FOXK1: variants seen among roughly 807,000 people sequenced by gnomAD.
The protein encoded by FOXK1 is forkhead box K1, also known as forkhead box protein K1.
Under a neutral mutation model 51.9 loss-of-function variants are expected in FOXK1, and 19 were observed. That is an observed-to-expected ratio of 0.37 (90% CI 0.26 to 0.54). The LOEUF (loss-of-function observed/expected upper bound fraction) is 0.54. Among genes scored for constraint, FOXK1 ranks in the 20% least tolerant of loss-of-function variants. The pLI is 0.87. For synonymous variants in FOXK1, 537 were observed against 482.6 expected, an observed-to-expected ratio of 1.11 and a Z score of -1.48; for missense variants, 870 against 1,032.7, an observed-to-expected ratio of 0.84 and a Z score of 2.16.
Position 4,715,470 on chromosome 7 carries a change from C to T in FOXK1, c.561-25368C>T, listed in dbSNP as rs1315091081. Among the ~76,000 whole-genome samples, 2 of 152,198 alleles carry T rather than the reference C, an allele frequency of 1.3e-5. No individual in the cohort carries two copies. The highest frequency in any genetic ancestry group is 6.5e-5 in the Admixed American group (1 of 15,284). ...TCCTTCTAGGGGGTTGGCTGGAACT[C>T]GGGCCCCGCTGGCCGGCGGTAGGAG... On this transcript the variant is annotated intron_variant, in intron 1 of 8. Coordinates refer to ENST00000328914, the MANE Select transcript of FOXK1 (RefSeq NM_001037165.2). This position sits in a 1 kb window ranked among gnomAD's most constrained non-coding sequence, Gnocchi z 4.5.
At chr7:4,710,059 T>C (rs980848069) in intron 1 of FOXK1, among the ~76,000 whole-genome samples, 4 of 152,262 alleles carry the variant, frequency 2.6e-5, no homozygotes, top group African/African-American at 9.6e-5. Context: ...GTTTTAATTG[T>C]AGTGTCAAAA....
rs1243898453 is a variant in FOXK1, at chr7:4,749,013, G to A, written c.747-5446G>A. ...CCTGTCCACGCTTCTGGGACTGGCT[G>A]TGCCTGGCGGGCCTCTGAGCTGAGT... On this transcript the variant is annotated intron_variant, in intron 2 of 8. Coordinates refer to ENST00000328914, the MANE Select transcript of FOXK1 (RefSeq NM_001037165.2). This position sits in a 1 kb window ranked among gnomAD's most constrained non-coding sequence, Gnocchi z 6.0. 6.6e-6 allele frequency among the ~76,000 whole-genome samples: 1 copy of A among 152,200 alleles called. No individual in the cohort carries two copies. The highest frequency in any genetic ancestry group is 1.5e-5 in the Non-Finnish European group (1 of 68,040).
At position 4,749,894 on chromosome 7, in the gene FOXK1, T is replaced by C. The variant is rs11763558; in HGVS notation, c.747-4565T>C. ...CTCATCATAACGTGACCCAGCGACC[T>C]GTGTGTCCCACAGCCCGTCCGTCCC... is the stretch of plus-strand genomic sequence containing the variant. On this transcript the variant is annotated intron_variant, in intron 2 of 8. Coordinates refer to ENST00000328914, the MANE Select transcript of FOXK1 (RefSeq NM_001037165.2). The surrounding 1 kb of genome is among the most constrained non-coding windows in gnomAD (Gnocchi z 6.0). Among the ~76,000 whole-genome samples the C allele has an allele frequency of 0.17, 25,224 of 152,166 alleles. 2,977 individuals are homozygous for C. The highest frequency in any genetic ancestry group is 0.34 in the African/African-American group (13,966 of 41,472).
chr7:4,707,185 C>T lies in FOXK1; in HGVS notation c.560+24317C>T, dbSNP rs1780112583. On this transcript the variant is annotated intron_variant, in intron 1 of 8. Transcript: ENST00000328914. This position sits in a 1 kb window ranked among gnomAD's most constrained non-coding sequence, Gnocchi z 4.1. ...GTTACCACCCCTGGTGCGGTGGACA[C>T]AGACATTGCCCAAACACTAACGGAG... is the stretch of plus-strand genomic sequence containing the variant. Among the ~76,000 whole-genome samples the T allele has an allele frequency of 6.6e-6, 1 of 152,190 alleles. No individual in the cohort carries two copies. The highest frequency in any genetic ancestry group is 2.4e-5 in the African/African-American group (1 of 41,442).
chr7:4,760,507 C>A (rs1780917302), intron 7 of FOXK1, among the ~76,000 whole-genome samples: 1 of 152,186 alleles, frequency 6.6e-6, no homozygotes, highest in Admixed American at 6.5e-5. Flanking sequence ...CCAAGTAATA[C>A]GTTTTCTTTC....
intron 1 of FOXK1, among the ~76,000 whole-genome samples, chr7:4,718,935 G>T (rs1300355074): frequency 6.6e-6 from 1 of 151,936 alleles, no homozygotes; most frequent in Non-Finnish European, 1.5e-5. Flanking sequence ...CCAGCCTCCC[G>T]AGTAGTTAGG....
rs556354924 is a variant in FOXK1, at chr7:4,722,812, C to G, written c.561-18026C>G. Reference sequence around the variant, plus strand: ...GCCTTGGCCACAGGCCTCCACAGCCCTCTGCTGTGTCTGTGCACCTTCTCC... The same window carrying G: ...GCCTTGGCCACAGGCCTCCACAGCCGTCTGCTGTGTCTGTGCACCTTCTCC... On this transcript the variant is annotated intron_variant, in intron 1 of 8. Transcript: ENST00000328914. The surrounding 1 kb of genome is among the most constrained non-coding windows in gnomAD (Gnocchi z 5.1). Among the ~76,000 whole-genome samples the G allele has an allele frequency of 2.0e-5, 3 of 152,262 alleles. No individual in the cohort carries two copies. In the South Asian group the frequency reaches 6.2e-4, roughly 32 times the overall value.
chr7:4,744,846 A>G (rs1334384450), intron 2 of FOXK1, among the ~76,000 whole-genome samples: 2 of 152,242 alleles, frequency 1.3e-5, no homozygotes, highest in Non-Finnish European at 2.9e-5. Flanking sequence ...GTTGGGGAGA[A>G]TTCTGTGCGG....
At chr7:4,690,299 C>T (rs1244646188) in intron 1 of FOXK1, among the ~76,000 whole-genome samples, 1 of 152,210 alleles carries the variant, frequency 6.6e-6, no homozygotes, top group Admixed American at 6.5e-5. Flanking sequence ...CGGGGTGAAG[C>T]TTTAGTTTCA....
rs1320987378 is a variant in FOXK1, at chr7:4,762,074, C to T, written c.1922-110C>T. 5 of 1,301,026 alleles carry T rather than the reference C, an allele frequency of 3.8e-6. No homozygotes were observed. The highest frequency in any genetic ancestry group is 1.5e-5 in the African/African-American group (1 of 67,552). 80.6% of individuals were successfully genotyped at this position (1,301,026 alleles called of 1,614,324 possible). A position where few individuals can be genotyped will look rare whatever the true frequency, so the allele number is the denominator to read the frequency against. On this transcript the variant is annotated intron_variant, in intron 8 of 8. Transcript: ENST00000328914. The surrounding 1 kb of genome is among the most constrained non-coding windows in gnomAD (Gnocchi z 5.7). Reference sequence around the variant, plus strand: ...GTAGCCGTCCTGCCTGGCAGGGGTGCACTGACCTCCGGTTCCGGCTTGGTG... The same window carrying T: ...GTAGCCGTCCTGCCTGGCAGGGGTGTACTGACCTCCGGTTCCGGCTTGGTG...
rs1779775880 is a variant in FOXK1 at position 4,683,209 on chromosome 7, T to A, written c.560+341T>A. On this transcript the variant is annotated intron_variant, in intron 1 of 8. Coordinates refer to ENST00000328914, the MANE Select transcript of FOXK1 (RefSeq NM_001037165.2). This position sits in a 1 kb window ranked among gnomAD's most constrained non-coding sequence, Gnocchi z 4.5. ...GCGGCTCCTGGGGTCACCCCTGACC[T>A]CATCTCCCACCGGCCTGGGCTCCTG... Among the ~76,000 whole-genome samples the A allele has an allele frequency of 6.9e-6, 1 of 145,712 alleles. No individual in the cohort carries two copies. Among genetic ancestry groups the A allele is most frequent in the African/African-American group, 2.6e-5 (1 of 38,814 alleles).
In FOXK1 at chr7:4,709,943, G is replaced by GTTA. The variant is rs1780154095; in HGVS notation, c.560+27076_560+27078dup. On this transcript the variant is annotated intron_variant, in intron 1 of 8. Transcript: ENST00000328914. The surrounding 1 kb of genome is among the most constrained non-coding windows in gnomAD (Gnocchi z 5.6). ...GAACACGGAAGCCTGTGTGTTAGGC[G>GTTA]TTAACATTGTTCCCGCGTGAAGGGG... Among the ~76,000 whole-genome samples, 1 of 152,208 alleles carries GTTA rather than the reference G, an allele frequency of 6.6e-6. No homozygotes were observed. The highest frequency in any genetic ancestry group is 6.5e-5 in the Admixed American group (1 of 15,286).
rs992514227 is a variant in FOXK1, at chr7:4,745,811, A to G, written c.746+4788A>G. On this transcript the variant is annotated intron_variant, in intron 2 of 8. Transcript: ENST00000328914. The surrounding 1 kb of genome is among the most constrained non-coding windows in gnomAD (Gnocchi z 4.3). ...AGGCTGAGGCAGGAGAATTGCTTGA[A>G]CCTAGGAGGCAGAGGTTGCAGTGAA... Among the ~76,000 whole-genome samples, 4 of 151,650 alleles carry G rather than the reference A, an allele frequency of 2.6e-5. No individual in the cohort carries two copies. Among genetic ancestry groups the G allele is most frequent in the Admixed American group, 6.6e-5 (1 of 15,218 alleles).
At position 4,765,188 on chromosome 7, in the gene FOXK1, G is replaced by A. The variant is rs1562394872; in HGVS notation, c.*2724G>A. ...TCCACTGCTCTGGGCTCATAACCAT[G>A]AGATTTTGAAAGAGTTTTTGGTCAT... On this transcript the variant is annotated 3_prime_UTR_variant, in exon 9 of 9. Transcript: ENST00000328914. The A allele has an allele frequency of 6.6e-6, 1 of 152,466 alleles. No individual in the cohort carries two copies. The highest frequency in any genetic ancestry group is 1.5e-5 in the Non-Finnish European group (1 of 68,182). 9.4% of individuals were successfully genotyped at this position (152,466 alleles called of 1,614,324 possible). A position where few individuals can be genotyped will look rare whatever the true frequency, so the allele number is the denominator to read the frequency against.
rs553393234 is a variant in FOXK1, at chr7:4,747,356, G to A, written c.746+6333G>A. Among the ~76,000 whole-genome samples the A allele has an allele frequency of 5.1e-4, 77 of 152,316 alleles. No homozygotes were observed. The highest frequency in any genetic ancestry group is 1.3e-3 in the African/African-American group (54 of 41,574). ...TGCCTAGCTGCGGGGCCGCCTCTCC[G>A]CTCAAGCACCCACTCAGCTCTGTGA... On this transcript the variant is annotated intron_variant, in intron 2 of 8. Transcript: ENST00000328914. The surrounding 1 kb of genome is among the most constrained non-coding windows in gnomAD (Gnocchi z 9.2).
At chr7:4,760,210 C>G (rs1391352703) in intron 7 of FOXK1, among the ~76,000 whole-genome samples, 2 of 152,164 alleles carry the variant, frequency 1.3e-5, no homozygotes, top group Non-Finnish European at 2.9e-5. Context: ...GAAGACTGTT[C>G]TTTTCGACTC....
At chr7:4,750,388 C>T (rs1428413501) in intron 2 of FOXK1, among the ~76,000 whole-genome samples, 1 of 151,840 alleles carries the variant, frequency 6.6e-6, no homozygotes, top group East Asian at 1.9e-4. Flanking sequence ...CAGCTTCCTG[C>T]TCTTTCTCAT....
rs776517689 is a variant in FOXK1, at chr7:4,759,277, A to AG, written c.1412-30dup. On this transcript the variant is annotated intron_variant, in intron 6 of 8. Transcript: ENST00000328914. ...GGGGCGGGACTCGTGGGGGTGCGGG[A>AG]GGGGTCACCGTCCGCTCTCCGCCCT... is the stretch of plus-strand genomic sequence containing the variant. 13 of 1,603,124 alleles carry AG rather than the reference A, an allele frequency of 8.1e-6. No homozygotes were observed. In the East Asian group the frequency reaches 2.7e-4, roughly 33 times the overall value.
rs1244977751 is a variant in FOXK1, at chr7:4,758,823, C to T, written c.1245-228C>T. 7.5e-5 allele frequency: 43 copies of T among 570,476 alleles called. No individual in the cohort carries two copies. The East Asian group carries it at 1.2e-3, about 16-fold the overall frequency. The allele number at this position is 570,476 out of a possible 1,614,324, so 35.3% of individuals were successfully genotyped here. ...TTCACTGCAGCACCTCACATGATAC[C>T]GTCCCCTCTCATGGAACGGAGCCTC... On this transcript the variant is annotated intron_variant, in intron 5 of 8. Transcript: ENST00000328914. This position sits in a 1 kb window ranked among gnomAD's most constrained non-coding sequence, Gnocchi z 4.4.
Sources: allele counts gnomAD v4.1 joint callset (sites outside exome capture counted in the v4.1 genomes callset), GRCh38; gene constraint gnomAD v4.1.1; non-coding constraint Gnocchi (gnomAD v3.1); transcripts MANE v1.5; gene names NCBI Gene and HGNC (gene_info 2026-07-23, HGNC 2026-07-21).